The following PCNX4 variants were observed in gnomAD, a reference collection of about 807,000 sequenced individuals.
The protein encoded by PCNX4 is pecanex-like protein 4.
A neutral mutation model predicts 107.2 loss-of-function variants in PCNX4; 103 were observed. That is an observed-to-expected ratio of 0.96 (90% CI 0.82 to 1.13). The LOEUF is 1.13. Among genes scored for constraint, PCNX4 ranks in the 50% most tolerant of loss-of-function variants. The pLI, the probability that PCNX4 is intolerant of heterozygous loss-of-function variation, is 0.00. For synonymous variants in PCNX4, 541 were observed against 481.7 expected (o/e 1.12, Z -1.61); for missense variants, 1,528 against 1,379.4 (o/e 1.11, Z -1.71).
chr14:60,138,932 T>G lies in PCNX4; in HGVS notation c.*4711T>G, dbSNP rs1024151546. The G allele has an allele frequency of 6.6e-6, 1 of 152,030 alleles. No individual in the cohort carries two copies. Among genetic ancestry groups the G allele is most frequent in the Admixed American group, 6.6e-5 (1 of 15,252 alleles). The allele number at this position is 152,030 out of a possible 1,614,324, so 9.4% of individuals were successfully genotyped here. A position where few individuals can be genotyped will look rare whatever the true frequency, so the allele number is the denominator to read the frequency against. On this transcript the variant is annotated 3_prime_UTR_variant, in exon 11 of 11. Transcript: ENST00000406854. ...AGGTCAGAATTATCAGAAAGAAGAT[T>G]AAAGTATAAATAAGACTGCTGTGTC...
intron 1 of PCNX4, among the ~76,000 whole-genome samples, chr14:60,092,814 C>T (rs865956883): frequency 6.6e-6 from 1 of 152,182 alleles, no homozygotes; most frequent in Non-Finnish European, 1.5e-5. Flanking sequence ...CGCTCCTTCC[C>T]CACTGATCTC....
chr14:60,125,185 G>GGTCT lies in PCNX4; in HGVS notation c.3017_3020dup (p.Ala1008CysfsTer29). 1 of 1,610,582 alleles carries GGTCT rather than the reference G, an allele frequency of 6.2e-7. No individual in the cohort carries two copies. The stretch of plus-strand genomic sequence containing the variant: ...AGAGTTTACGGTGGTGTTTTGCCTT[G>GGTCT]GTCTGTTGCTTTGGACTGGCTCACA... On this transcript the variant is annotated frameshift_variant, in exon 9 of 11. Transcript: ENST00000406854. LOFTEE classifies it high-confidence loss of function.
In PCNX4 at chr14:60,124,784, T is replaced by C. The variant is rs756328511; in HGVS notation, c.2613T>C (p.Pro871=). The C allele has an allele frequency of 6.2e-7, 1 of 1,613,502 alleles. No individual in the cohort carries two copies. Among genetic ancestry groups the C allele is most frequent in the South Asian group, 1.1e-5 (1 of 91,084 alleles). Residue 871 remains proline, a synonymous_variant, in exon 9 of 11, where the codon CCT becomes CCC. Transcript: ENST00000406854. Reference sequence around the variant, plus strand: ...GTGATCATTCTACAGGCACTGTTCCTGAAAACGATCTTTACAAAGCAGTTC... The same window carrying C: ...GTGATCATTCTACAGGCACTGTTCCCGAAAACGATCTTTACAAAGCAGTTC... ...RVGDHSTGTV[P]ENDLYKAVLL...
intron 2 of PCNX4, 76 bp from the exon 3 acceptor site, chr14:60,114,624 G>T: frequency 1.6e-6 from 2 of 1,249,344 alleles, no homozygotes; most frequent in Non-Finnish European, 2.2e-6. Context: ...TTGTTATTCT[G>T]TGTTGCTTTG....
At chr14:60,098,276 C>T (rs1895465067) in intron 1 of PCNX4, among the ~76,000 whole-genome samples, 1 of 152,144 alleles carries the variant, frequency 6.6e-6, no homozygotes, top group Non-Finnish European at 1.5e-5. Context: ...CATTCCAAAC[C>T]TGTAATAAGT....
At position 60,134,784 on chromosome 14, in the gene PCNX4, T is replaced by A. The variant is rs1323841763; in HGVS notation, c.*563T>A. 1 of 152,376 alleles carries A rather than the reference T, an allele frequency of 6.6e-6. No homozygotes were observed. Among genetic ancestry groups the A allele is most frequent in the Admixed American group, 6.5e-5 (1 of 15,290 alleles). 9.4% of individuals were successfully genotyped at this position (152,376 alleles called of 1,614,324 possible). On this transcript the variant is annotated 3_prime_UTR_variant, in exon 11 of 11. Transcript: ENST00000406854. ...TCAATTCATAAACTTTAAAAAACTT[T>A]TAATAAAATATTTTCCTTCCTTTTC...
intron 1 of PCNX4, among the ~76,000 whole-genome samples, chr14:60,102,595 A>T (rs1391575658): frequency 6.6e-6 from 1 of 152,150 alleles, no homozygotes; most frequent in Admixed American, 6.5e-5. Flanking sequence ...TTGTTGGCCC[A>T]CTTTCAGAGT....
chr14:60,114,654 C>G (rs1043818424), intron 2 of PCNX4, 46 bp from the exon 3 acceptor site: 15 of 1,478,780 alleles, frequency 1.0e-5, no homozygotes, highest in Non-Finnish European at 1.3e-5. Context: ...AAAAGATCCT[C>G]TTCTATATAT....
In PCNX4 at chr14:60,124,922, G is replaced by C. The variant is rs1371829326; in HGVS notation, c.2751G>C (p.Arg917Ser). 6.2e-7 allele frequency: 1 copy of C among 1,613,856 alleles called. No homozygotes were observed. The highest frequency in any genetic ancestry group is 8.5e-7 in the Non-Finnish European group (1 of 1,179,776). The change falls in exon 9 of 11, where the codon AGG becomes AGC. Residue 917 changes from arginine to serine, a missense_variant. Physicochemically the swap from Arg to Ser is moderately radical, Grantham distance 110. Transcript: ENST00000406854. The stretch of plus-strand genomic sequence containing the variant: ...TAGTATGCTTACCCGCAGAGTGGAG[G>C]ACTAGCTGTATGCCCAGTTCCAAAA... ...SHLVCLPAEW[R>S]TSCMPSSKMK... is the part of the protein sequence containing the mutation.
intron 10 of PCNX4, among the ~76,000 whole-genome samples, chr14:60,133,447 G>A (rs1896189863): frequency 6.6e-6 from 1 of 152,160 alleles, no homozygotes; most frequent in African/African-American, 2.4e-5. Context: ...GAGGAGATAG[G>A]ATGGTGATAA....
chr14:60,107,519 A>T, intron 1 of PCNX4, 67 bp from the exon 2 acceptor site: 1 of 831,126 alleles, frequency 1.2e-6, no homozygotes, highest in East Asian at 2.7e-5. Context: ...TAGTAATGTG[A>T]GGTTTTTCCT....
At chr14:60,108,574 G>A in intron 2 of PCNX4, 1 of 285,750 alleles carries the variant, frequency 3.5e-6, no homozygotes, top group East Asian at 6.9e-5. Flanking sequence ...TTTCAATTTT[G>A]TGTTTCACTT....
rs1325055553 is a variant in PCNX4, at chr14:60,137,711, G to C, written c.*3490G>C. 1 of 152,160 alleles carries C rather than the reference G, an allele frequency of 6.6e-6. No homozygotes were observed. The highest frequency in any genetic ancestry group is 1.5e-5 in the Non-Finnish European group (1 of 68,032). The allele number at this position is 152,160 out of a possible 1,614,324, so 9.4% of individuals were successfully genotyped here. ...GTTTAAAGATCTAAAACACAAGATT[G>C]AGAATTTCAGCAGAAAATCAGAAAC... is the stretch of plus-strand genomic sequence containing the variant. On this transcript the variant is annotated 3_prime_UTR_variant, in exon 11 of 11. Transcript: ENST00000406854.
intron 10 of PCNX4, 161 bp downstream of exon 10, chr14:60,125,984 A>G: frequency 2.0e-6 from 1 of 508,856 alleles, no homozygotes. Context: ...GCTAAGCTAG[A>G]TGAACTCTAG....
At chr14:60,122,127 A>T (rs1396824236) in intron 8 of PCNX4, among the ~76,000 whole-genome samples, 1 of 152,100 alleles carries the variant, frequency 6.6e-6, no homozygotes, top group Non-Finnish European at 1.5e-5. Flanking sequence ...CCTGTAAACC[A>T]TATTCTGTAT....
rs1307069795 is a variant in PCNX4 at position 60,115,245 on chromosome 14, C to T, written c.1141C>T (p.Gln381Ter). The T allele has an allele frequency of 1.4e-5, 22 of 1,612,902 alleles. No homozygotes were observed. The highest frequency in any genetic ancestry group is 1.9e-5 in the Non-Finnish European group (22 of 1,179,106). ...GCTTCATCACTTTGCTGGCTTCTCA[C>T]AGATTTCTAAAAGCAATTCCCAGGC... ...SLLHHFAGFSQISKSNSQAIV... is the reference protein window; with the variant it reads ...SLLHHFAGFS The change falls in exon 4 of 11, where the codon CAG becomes TAG. Residue 381 changes from glutamine to a stop codon, truncating the protein, a stop_gained. Coordinates refer to ENST00000406854, the MANE Select transcript of PCNX4 (RefSeq NM_001330177.2). LOFTEE classifies it high-confidence loss of function.
In PCNX4 at chr14:60,108,132, T is replaced by C. The variant is rs1216896717; in HGVS notation, c.494T>C (p.Leu165Ser). 2 of 1,612,874 alleles carry C rather than the reference T, an allele frequency of 1.2e-6. No homozygotes were observed. Among genetic ancestry groups the C allele is most frequent in the Admixed American group, 1.7e-5 (1 of 60,032 alleles). Residue 165 changes from leucine (L) to serine (S), a missense_variant, in exon 2 of 11, where the codon TTG becomes TCG. Transcript: ENST00000406854. ...TWYLLPNRITLLYGSTGGTAL... is the reference protein window; with the variant it reads ...TWYLLPNRITSLYGSTGGTAL... ...TATCTGCTCCCAAATAGAATAACCT[T>C]GCTGTATGGCAGTACAGGAGGCACT...
At chr14:60,118,793 C>G (rs1895901752) in intron 7 of PCNX4, 101 bp downstream of exon 7, 1 of 1,230,912 alleles carries the variant, frequency 8.1e-7, no homozygotes, top group Non-Finnish European at 1.1e-6. Context: ...CATAAGATAG[C>G]ATAACAACCA....
intron 7 of PCNX4, among the ~76,000 whole-genome samples, 175 bp from the exon 8 acceptor site, chr14:60,121,021 A>G (rs527558683): frequency 1.3e-5 from 2 of 152,252 alleles, no homozygotes; most frequent in East Asian, 3.9e-4. Context: ...TAAAGAGTTA[A>G]TTTAATGCCT....
Sources: allele counts gnomAD v4.1 joint callset (sites outside exome capture counted in the v4.1 genomes callset), GRCh38; gene constraint gnomAD v4.1.1; transcripts MANE v1.5; gene names NCBI Gene and HGNC (gene_info 2026-07-23, HGNC 2026-07-21).